MECOM: variants seen among roughly 807,000 people sequenced by gnomAD.
The protein encoded by MECOM is histone-lysine N-methyltransferase MECOM.
In MECOM, 13 loss-of-function variants were observed where a neutral mutation model predicts 116.3. The ratio of observed to expected loss-of-function variants is 0.11; its 90% CI spans 0.07 to 0.18. The LOEUF is 0.18. Among genes scored for constraint, MECOM ranks in the 10% least tolerant of loss-of-function variants. The probability of loss-of-function intolerance (pLI) is 1.00; values close to 1 mark genes in which losing one functional copy is unlikely to be tolerated. For missense variants in MECOM, 1,299 were observed against 1,509.0 expected (o/e 0.86, Z 2.31); for synonymous variants, 528 against 535.2 (o/e 0.99, Z 0.19).
intron 2 of MECOM, among the ~76,000 whole-genome samples, chr3:169,373,717 C>T (rs2108210650): frequency 6.6e-6 from 1 of 152,012 alleles, no homozygotes; most frequent in South Asian, 2.1e-4. Context: ...AAGCAGGGAC[C>T]ATTCAATTGG....
At chr3:169,098,106 C>G (rs1242465485) in intron 12 of MECOM, among the ~76,000 whole-genome samples, 5 of 151,762 alleles carry the variant, frequency 3.3e-5, no homozygotes, top group Non-Finnish European at 7.4e-5. Context: ...TCCCATATAC[C>G]CTTCACCTCA....
At chr3:169,421,753 G>A (rs1322186595) in intron 1 of MECOM, among the ~76,000 whole-genome samples, 2 of 151,960 alleles carry the variant, frequency 1.3e-5, no homozygotes, top group South Asian at 2.1e-4. Flanking sequence ...ATTACGATTG[G>A]AAGATATCAC....
chr3:169,556,370 T>C (rs1394706645), intron 1 of MECOM, among the ~76,000 whole-genome samples: 1 of 152,184 alleles, frequency 6.6e-6, no homozygotes, highest in East Asian at 1.9e-4. Context: ...GGATTTGGGC[T>C]GAGAAAGATA....
At chr3:169,183,661 T>C (rs888697977) in intron 2 of MECOM, among the ~76,000 whole-genome samples, 2 of 151,420 alleles carry the variant, frequency 1.3e-5, no homozygotes, top group African/African-American at 2.4e-5. Context: ...GGTAGAAATA[T>C]AAGAGCCACT....
At chr3:169,085,076 G>T (rs751652068) in intron 16 of MECOM, 33 bp from the exon 17 acceptor site, 2 of 1,612,554 alleles carry the variant, frequency 1.2e-6, no homozygotes, top group African/African-American at 2.7e-5. Context: ...TCAGTAAATG[G>T]CATTTGAAAA....
At chr3:169,368,884 A>G (rs1249320306) in intron 2 of MECOM, among the ~76,000 whole-genome samples, 2 of 152,024 alleles carry the variant, frequency 1.3e-5, no homozygotes, top group Non-Finnish European at 1.5e-5. Context: ...ATAATAAGAA[A>G]GAAACTCATG....
At chr3:169,429,408 A>C (rs1331615335) in intron 1 of MECOM, among the ~76,000 whole-genome samples, 1 of 152,216 alleles carries the variant, frequency 6.6e-6, no homozygotes, top group Non-Finnish European at 1.5e-5. Flanking sequence ...TAAGCAGTGA[A>C]TGTAACCTCA....
At chr3:169,272,836 G>A (rs986983397) in intron 2 of MECOM, among the ~76,000 whole-genome samples, 2 of 152,098 alleles carry the variant, frequency 1.3e-5, no homozygotes, top group African/African-American at 2.4e-5. Context: ...TTTTCAAATA[G>A]AAAGAAAAGG....
At chr3:169,656,014 A>G (rs555264553) in intron 1 of MECOM, among the ~76,000 whole-genome samples, 1 of 152,212 alleles carries the variant, frequency 6.6e-6, no homozygotes, top group Non-Finnish European at 1.5e-5. Context: ...TCAATCAGGG[A>G]TCATGCCCAG....
chr3:169,373,416 T>G (rs962485757), intron 2 of MECOM, among the ~76,000 whole-genome samples: 14 of 152,010 alleles, frequency 9.2e-5, no homozygotes, highest in African/African-American at 3.4e-4. Context: ...AATTTTTTAT[T>G]CTTAAATAAA....
At chr3:169,302,747 C>T (rs1457921111) in intron 2 of MECOM, among the ~76,000 whole-genome samples, 1 of 151,750 alleles carries the variant, frequency 6.6e-6, no homozygotes, top group African/African-American at 2.4e-5. Context: ...ACCTGTAATC[C>T]CAGCTACTCA....
At chr3:169,243,532 G>A (rs1445603529) in intron 2 of MECOM, among the ~76,000 whole-genome samples, 3 of 151,884 alleles carry the variant, frequency 2.0e-5, no homozygotes, top group African/African-American at 4.8e-5. Context: ...TAAGAAAAAC[G>A]ACAATATTGT....
chr3:169,226,541 G>C (rs1400122867), intron 2 of MECOM, among the ~76,000 whole-genome samples: 1 of 152,196 alleles, frequency 6.6e-6, no homozygotes. Flanking sequence ...GGCGAAGGAA[G>C]TACAGTTATT....
intron 2 of MECOM, among the ~76,000 whole-genome samples, chr3:169,261,701 C>CAAGAAG (rs1240526229): frequency 6.8e-6 from 1 of 147,810 alleles, no homozygotes; most frequent in East Asian, 2.0e-4. Context: ...AACTCCATCT[C>CAAGAAG]AAGAAGAAGA....
intron 1 of MECOM, among the ~76,000 whole-genome samples, chr3:169,390,619 G>A (rs1287697901): frequency 2.0e-5 from 3 of 152,168 alleles, no homozygotes; most frequent in African/African-American, 7.2e-5. Context: ...GAGCATTAAT[G>A]TGCCATTGCT....
At chr3:169,378,711 G>A (rs1731876545) in intron 2 of MECOM, among the ~76,000 whole-genome samples, 1 of 151,820 alleles carries the variant, frequency 6.6e-6, no homozygotes, top group South Asian at 2.1e-4. Context: ...GATGGCAATG[G>A]AATTTATTAA....
intron 1 of MECOM, among the ~76,000 whole-genome samples, chr3:169,568,789 C>T (rs1763546481): frequency 6.6e-6 from 1 of 152,142 alleles, no homozygotes; most frequent in Non-Finnish European, 1.5e-5. Flanking sequence ...CAAGCAAATG[C>T]TGACAGATTT....
chr3:169,625,609 TC>T (rs775947791), intron 1 of MECOM, among the ~76,000 whole-genome samples: 12 of 152,196 alleles, frequency 7.9e-5, no homozygotes, highest in Non-Finnish European at 1.5e-4. Flanking sequence ...AAGACTTCAA[TC>T]CCATTATCAT....
chr3:169,633,897 C>A lies in MECOM; in HGVS notation c.37+29439G>T, dbSNP rs1486906993. ...AAAGAGAGAGGTAAACAGTAGTGAC[C>A]CTGGCAAAAAAAAAAAAAAAACAAA... On this transcript the variant is annotated intron_variant, in intron 1 of 16. Transcript: ENST00000651503. Among the ~76,000 whole-genome samples the A allele has an allele frequency of 8.6e-4, 56 of 64,966 alleles. 1 individual carries two copies. Among genetic ancestry groups the A allele is most frequent in the African/African-American group, 3.7e-3 (55 of 15,030 alleles). 42.6% of individuals were successfully genotyped at this position (64,966 alleles called of 152,430 possible). A position where few individuals can be genotyped will look rare whatever the true frequency, so the allele number is the denominator to read the frequency against.
Sources: allele counts gnomAD v4.1 joint callset (sites outside exome capture counted in the v4.1 genomes callset), GRCh38; gene constraint gnomAD v4.1.1; transcripts MANE v1.5; gene names NCBI Gene and HGNC (gene_info 2026-07-23, HGNC 2026-07-21).